The following AGO3 variants were observed in gnomAD, a reference collection of about 807,000 sequenced individuals.
The protein encoded by AGO3 is argonaute RISC catalytic component 3.
AGO3 carries 16 observed loss-of-function variants against 105.5 expected under a neutral mutation model. The ratio of observed to expected loss-of-function variants is 0.15; its 90% CI spans 0.10 to 0.23. The LOEUF (loss-of-function observed/expected upper bound fraction) is 0.23. Among genes scored for constraint, AGO3 ranks in the 10% least tolerant of loss-of-function variants. The pLI is 1.00. For missense variants in AGO3, 534 were observed against 1,088.0 expected, an observed-to-expected ratio of 0.49 and a Z score of 7.16; for synonymous variants, 340 against 367.3, an observed-to-expected ratio of 0.93 and a Z score of 0.85.
At position 35,973,234 on chromosome 1, in the gene AGO3, C is replaced by T; in HGVS notation, c.522-141C>T. ...TTAGAGTGGATACTTTTTGCTTTCT[C>T]AAATTTGGAACATGTTTAGTTTCAT... On this transcript the variant is annotated intron_variant, in intron 4 of 18. Transcript: ENST00000373191. The T allele has an allele frequency of 3.1e-6, 3 of 982,596 alleles. 1 individual carries two copies. The highest frequency in any genetic ancestry group is 9.2e-5 in the South Asian group (2 of 21,716). The allele number at this position is 982,596 out of a possible 1,614,324, so 60.9% of individuals were successfully genotyped here. A position where few individuals can be genotyped will look rare whatever the true frequency, so the allele number is the denominator to read the frequency against.
intron 2 of AGO3, among the ~76,000 whole-genome samples, chr1:35,951,740 G>A (rs1322669374): frequency 6.6e-6 from 1 of 152,122 alleles, no homozygotes; most frequent in African/African-American, 2.4e-5. Context: ...ATCCAATTTT[G>A]GCTTTTTAAG....
chr1:35,955,391 G>A (rs886592850), intron 2 of AGO3, among the ~76,000 whole-genome samples: 1 of 152,146 alleles, frequency 6.6e-6, no homozygotes, highest in Non-Finnish European at 1.5e-5. Flanking sequence ...ATTTGTTGGC[G>A]TGTACTACTG....
intron 2 of AGO3, among the ~76,000 whole-genome samples, chr1:35,950,882 G>A (rs983121120): frequency 1.3e-5 from 2 of 152,138 alleles, no homozygotes; most frequent in African/African-American, 4.8e-5. Context: ...GATTATAACT[G>A]CAATATCTAT....
rs772943203 is a variant in AGO3, at chr1:35,973,507, C to T, written c.654C>T (p.Ile218=). The T allele has an allele frequency of 3.9e-5, 62 of 1,571,992 alleles. No homozygotes were observed. Among genetic ancestry groups the T allele is most frequent in the African/African-American group, 1.8e-4 (13 of 73,882 alleles). The stretch of plus-strand genomic sequence containing the variant: ...CCATGTGGAAAATGATGCTTAATAT[C>T]GATGGTAAGGGAACTAAAGCCATAT... The part of the protein sequence containing the change: ...RPAMWKMMLN[I]DVSATAFYKA... The change falls in exon 5 of 19, where the codon ATC becomes ATT. Residue 218 remains isoleucine, a synonymous_variant. Transcript: ENST00000373191.
chr1:36,057,648 T>A lies in AGO3; in HGVS notation c.*1903T>A, dbSNP rs1394872528. 6.6e-6 allele frequency: 1 copy of A among 152,166 alleles called. No individual in the cohort carries two copies. Among genetic ancestry groups the A allele is most frequent in the East Asian group, 1.9e-4 (1 of 5,196 alleles). The allele number at this position is 152,166 out of a possible 1,614,324, so 9.4% of individuals were successfully genotyped here. ...CCTTAATTTCAGAAGGAAAGTTTTG[T>A]AATTTTCAGTTTTAAAGCATATCTT... On this transcript the variant is annotated 3_prime_UTR_variant, in exon 19 of 19. Transcript: ENST00000373191.
intron 11 of AGO3, among the ~76,000 whole-genome samples, chr1:36,022,583 A>G (rs1318672483): frequency 1.3e-5 from 2 of 152,142 alleles, no homozygotes; most frequent in Non-Finnish European, 2.9e-5. Context: ...TTTGGCTGTC[A>G]GATCCCATTG....
intron 11 of AGO3, among the ~76,000 whole-genome samples, chr1:36,016,989 G>A (rs1432667705): frequency 1.3e-5 from 2 of 152,134 alleles, no homozygotes; most frequent in Non-Finnish European, 2.9e-5. Context: ...AGGTAAGAGT[G>A]TGACCAAAAC....
chr1:35,997,033 T>G (rs1431514309), intron 5 of AGO3, among the ~76,000 whole-genome samples: 2 of 152,152 alleles, frequency 1.3e-5, no homozygotes, highest in Non-Finnish European at 2.9e-5. Context: ...ATCTCAGCAC[T>G]TTGGGGTGCC....
intron 9 of AGO3, among the ~76,000 whole-genome samples, chr1:36,012,271 GT>G (rs1236537587): frequency 1.3e-5 from 2 of 150,652 alleles, no homozygotes; most frequent in African/African-American, 2.4e-5. Context: ...GGAGATTGAA[GT>G]TGCAGTGAGC....
intron 5 of AGO3, among the ~76,000 whole-genome samples, chr1:35,996,475 A>G (rs1007423188): frequency 1.3e-5 from 2 of 152,000 alleles, no homozygotes; most frequent in Non-Finnish European, 2.9e-5. Flanking sequence ...CATACTTCAC[A>G]AAAGAATATG....
At position 36,070,311 on chromosome 1, in the gene AGO3, A is replaced by G. The variant is rs997033104; in HGVS notation, c.*14566A>G. 2.0e-5 allele frequency: 3 copies of G among 152,174 alleles called. No individual in the cohort carries two copies. Among genetic ancestry groups the G allele is most frequent in the Admixed American group, 6.5e-5 (1 of 15,278 alleles). 9.4% of individuals were successfully genotyped at this position (152,174 alleles called of 1,614,324 possible). On this transcript the variant is annotated 3_prime_UTR_variant, in exon 19 of 19. Transcript: ENST00000373191. ...ACTTTAAAAATTCCAATCATCATGT[A>G]CCTATAAAGGTTAAAATATAGTGAA... is the stretch of plus-strand genomic sequence containing the variant.
chr1:36,038,219 G>A (rs573615482), intron 14 of AGO3, among the ~76,000 whole-genome samples: 139 of 150,856 alleles, frequency 9.2e-4, no homozygotes, highest in Non-Finnish European at 1.5e-3. Context: ...CCTTTGTGAG[G>A]CATTTTGTTC....
Position 36,009,932 on chromosome 1 carries a change from C to CT in AGO3, c.1149+362dup, listed in dbSNP as rs58385070. On this transcript the variant is annotated intron_variant, in intron 9 of 18. Transcript: ENST00000373191. ...AATTATGACTAGCAATACTAAAATTCTTTTTTTTTTTTTTTTTTTTTTTTG... is the reference window on the plus strand; with the variant it reads ...AATTATGACTAGCAATACTAAAATTCTTTTTTTTTTTTTTTTTTTTTTTTTG... 3.2e-3 allele frequency among the ~76,000 whole-genome samples: 187 copies of CT among 58,134 alleles called. 3 individuals are homozygous for CT. Among genetic ancestry groups the CT allele is most frequent in the South Asian group, 0.015 (22 of 1,430 alleles). 38.1% of individuals were successfully genotyped at this position (58,134 alleles called of 152,430 possible).
At chr1:35,934,807 T>C (rs1009870458) in intron 1 of AGO3, among the ~76,000 whole-genome samples, 1 of 152,068 alleles carries the variant, frequency 6.6e-6, no homozygotes, top group Non-Finnish European at 1.5e-5. Context: ...CGCACCACCA[T>C]GCCTGGCTAA....
chr1:36,021,898 A>G (rs1641247237), intron 11 of AGO3, among the ~76,000 whole-genome samples: 1 of 151,788 alleles, frequency 6.6e-6, no homozygotes, highest in African/African-American at 2.4e-5. Context: ...TTTTTTGTGC[A>G]GTTTACTCAA....
intron 1 of AGO3, 32 bp from the exon 2 acceptor site, chr1:35,945,660 G>A: frequency 6.2e-7 from 1 of 1,604,770 alleles, no homozygotes. Context: ...GCTTGTAACT[G>A]TGACTCTTTT....
rs984384043 is a variant in AGO3, at chr1:36,034,073, A to G, written c.1592-101A>G. The G allele has an allele frequency of 9.1e-6, 11 of 1,215,318 alleles. No homozygotes were observed. In the Admixed American group the frequency reaches 1.0e-4, roughly 12 times the overall value. The allele number at this position is 1,215,318 out of a possible 1,614,324, so 75.3% of individuals were successfully genotyped here. ...ATAATTTTTGGTATCCTGTAATACA[A>G]TGATGGATTTTAAGGGGGAAACATA... On this transcript the variant is annotated intron_variant, in intron 12 of 18. Transcript: ENST00000373191.
chr1:35,972,332 T>G, intron 4 of AGO3, 100 bp downstream of exon 4: 2 of 1,300,206 alleles, frequency 1.5e-6, no homozygotes, highest in Admixed American at 4.4e-5. Context: ...ATATTTTGAT[T>G]GTTCAACTGA....
intron 6 of AGO3, chr1:36,005,990 CA>C: frequency 1.3e-6 from 1 of 778,592 alleles, no homozygotes; most frequent in Non-Finnish European, 1.6e-6. Context: ...TTTTTGCTAG[CA>C]CCTAGATTTT....
Sources: gnomAD v4.1 joint callset for allele counts (sites outside exome capture counted in the v4.1 genomes callset) on GRCh38, gnomAD v4.1.1 for gene constraint, MANE v1.5 for transcripts, NCBI Gene and HGNC (gene_info 2026-07-23, HGNC 2026-07-21) for gene names.